CPNE4: variants seen among roughly 807,000 people sequenced by gnomAD.
CPNE4 encodes the protein copine-4.
In CPNE4, 25 loss-of-function variants were observed where a neutral mutation model predicts 67.9. That is an observed-to-expected ratio of 0.37 (90% CI 0.27 to 0.51). CPNE4 has a LOEUF of 0.51. Among genes scored for constraint, CPNE4 ranks in the 20% least tolerant of loss-of-function variants. The pLI is 0.93. For synonymous variants in CPNE4, 242 were observed against 244.9 expected (o/e 0.99, Z 0.11); for missense variants, 464 against 690.8 (o/e 0.67, Z 3.68).
chr3:131,865,630 TC>T (rs147330645), intron 2 of CPNE4, among the ~76,000 whole-genome samples: 3,080 of 152,272 alleles, frequency 0.02, 96 homozygotes, highest in African/African-American at 0.069. Context: ...CTGCATCTTA[TC>T]CATCTTTGTG....
intron 7 of CPNE4, among the ~76,000 whole-genome samples, chr3:131,621,422 T>C (rs946569934): frequency 6.6e-6 from 1 of 152,000 alleles, no homozygotes; most frequent in Admixed American, 6.6e-5. Context: ...TTAAAACTTT[T>C]TTTTGTAGAG....
At chr3:131,651,371 G>A (rs2079811785) in intron 7 of CPNE4, among the ~76,000 whole-genome samples, 1 of 152,160 alleles carries the variant, frequency 6.6e-6, no homozygotes, top group Non-Finnish European at 1.5e-5. Flanking sequence ...TTAAATCTCA[G>A]GAAAGTCGTT....
chr3:131,858,695 T>C (rs982633076), intron 2 of CPNE4, among the ~76,000 whole-genome samples: 1 of 152,146 alleles, frequency 6.6e-6, no homozygotes, highest in African/African-American at 2.4e-5. Flanking sequence ...TTAAATACTA[T>C]GAGTGCCTAA....
intron 1 of CPNE4, among the ~76,000 whole-genome samples, chr3:132,029,460 A>G (rs1296795935): frequency 2.0e-5 from 3 of 152,126 alleles, no homozygotes; most frequent in Non-Finnish European, 2.9e-5. Flanking sequence ...TGACTCTGCT[A>G]GTGCTCCGGC....
At chr3:131,874,311 A>C (rs2087345797) in intron 2 of CPNE4, among the ~76,000 whole-genome samples, 2 of 151,984 alleles carry the variant, frequency 1.3e-5, no homozygotes, top group Admixed American at 1.3e-4. Context: ...GATGGTTTCA[A>C]TCTCCTGACC....
chr3:131,653,143 CTTTTTTTTTTTTTT>C lies in CPNE4; in HGVS notation c.681+16518_681+16531del, dbSNP rs1206489252. Among the ~76,000 whole-genome samples, 359 of 98,576 alleles carry C rather than the reference CTTTTTTTTTTTTTT, an allele frequency of 3.6e-3. 3 individuals carry two copies. Among genetic ancestry groups the C allele is most frequent in the Middle Eastern group, 0.02 (3 of 148 alleles). The allele number at this position is 98,576 out of a possible 152,430, so 64.7% of individuals were successfully genotyped here. ...CTCACATGGATTACTGATAGGACTTCTTTTTTTTTTTTTTTTTTTTTTTGAGACGGAGTCTCGCT... is the reference window on the plus strand; with the variant it reads ...CTCACATGGATTACTGATAGGACTTCTTTTTTTTTGAGACGGAGTCTCGCT... On this transcript the variant is annotated intron_variant, in intron 7 of 15. Transcript: ENST00000429747.
intron 1 of CPNE4, among the ~76,000 whole-genome samples, chr3:131,985,590 A>G (rs949003852): frequency 4.6e-5 from 7 of 152,172 alleles, no homozygotes; most frequent in African/African-American, 1.7e-4. Context: ...CTGACTCCAG[A>G]TCTTATTTTA....
intron 2 of CPNE4, among the ~76,000 whole-genome samples, chr3:131,898,414 T>C (rs1489343885): frequency 4.6e-5 from 7 of 152,090 alleles, no homozygotes; most frequent in Non-Finnish European, 4.4e-5. Context: ...AATGTCATGT[T>C]TTACTCTGTG....
chr3:132,036,330 G>C (rs2074337914), upstream of CPNE4, among the ~76,000 whole-genome samples: 1 of 151,912 alleles, frequency 6.6e-6, no homozygotes, highest in African/African-American at 2.4e-5. Flanking sequence ...TACACTAATG[G>C]GCCAGGACTT....
chr3:131,553,649 C>T (rs954099444), intron 12 of CPNE4, among the ~76,000 whole-genome samples: 7 of 152,132 alleles, frequency 4.6e-5, no homozygotes, highest in Non-Finnish European at 8.8e-5. Flanking sequence ...CACTTCCCAA[C>T]CTCTATTGTG....
At chr3:131,781,002 C>A (rs140025731) in intron 2 of CPNE4, among the ~76,000 whole-genome samples, 2 of 151,976 alleles carry the variant, frequency 1.3e-5, no homozygotes. Context: ...TGGTCATGAA[C>A]CTTGGCCATG....
chr3:131,675,687 T>C (rs2080539252), intron 6 of CPNE4, among the ~76,000 whole-genome samples: 1 of 152,136 alleles, frequency 6.6e-6, no homozygotes, highest in African/African-American at 2.4e-5. Flanking sequence ...ATTTTTAGTC[T>C]GTCTCTTTAT....
At chr3:131,789,495 C>A (rs1248130480) in intron 2 of CPNE4, among the ~76,000 whole-genome samples, 4 of 152,132 alleles carry the variant, frequency 2.6e-5, no homozygotes, top group Non-Finnish European at 5.9e-5. Flanking sequence ...AGTTATTTAA[C>A]CTTTGTGTCA....
At chr3:131,817,060 C>T (rs1345794395) in intron 2 of CPNE4, among the ~76,000 whole-genome samples, 1 of 152,144 alleles carries the variant, frequency 6.6e-6, no homozygotes, top group Non-Finnish European at 1.5e-5. Flanking sequence ...TTACATTTGC[C>T]TAATGTGGGC....
chr3:132,001,070 T>C (rs371173788), intron 1 of CPNE4, among the ~76,000 whole-genome samples: 1 of 151,982 alleles, frequency 6.6e-6, no homozygotes, highest in East Asian at 1.9e-4. Context: ...TGTTTTAATG[T>C]CCAATTTTGG....
chr3:131,692,883 G>T (rs2081063750), intron 5 of CPNE4, among the ~76,000 whole-genome samples: 1 of 152,130 alleles, frequency 6.6e-6, no homozygotes, highest in South Asian at 2.1e-4. Flanking sequence ...GGAAAAGAAA[G>T]AATCCTTTGT....
chr3:132,006,318 G>A (rs1213033484), intron 1 of CPNE4, among the ~76,000 whole-genome samples: 2 of 152,064 alleles, frequency 1.3e-5, no homozygotes, highest in African/African-American at 2.4e-5. Flanking sequence ...CAATAAAATT[G>A]AGATAATAAT....
intron 2 of CPNE4, among the ~76,000 whole-genome samples, chr3:131,792,696 C>CACGTGTGTATATATGTAT (rs1560322840): frequency 2.2e-5 from 1 of 44,536 alleles, no homozygotes; most frequent in African/African-American, 8.4e-5. Context: ...TGTATATATA[C>CACGTGTGTATATATGTAT]ATATACACAC....
chr3:131,986,872 A>C lies in CPNE4; in HGVS notation c.-2+47695T>G, dbSNP rs371884038. ...AAAAAACAAAAACAAACAAACAAAA[A>C]AAAAAAAACAAAGAACTTAAGGATA... On this transcript the variant is annotated intron_variant, in intron 1 of 15. Transcript: ENST00000429747. 3.2e-3 allele frequency among the ~76,000 whole-genome samples: 487 copies of C among 151,902 alleles called. 5 individuals carry two copies. In the Middle Eastern group the frequency reaches 0.041, roughly 13 times the overall value.
Sources: allele counts gnomAD v4.1 joint callset (sites outside exome capture counted in the v4.1 genomes callset), GRCh38; gene constraint gnomAD v4.1.1; transcripts MANE v1.5; gene names NCBI Gene and HGNC (gene_info 2026-07-23, HGNC 2026-07-21).